Variants in PDGFD observed in about 807,000 individuals in gnomAD.
PDGFD encodes platelet-derived growth factor D.
PDGFD carries 30 observed loss-of-function variants against 44.7 expected under a neutral mutation model. The ratio of observed to expected loss-of-function variants is 0.67; its 90% confidence interval spans 0.50 to 0.91. PDGFD has a LOEUF of 0.91. PDGFD is among the 40% of genes least tolerant of loss of function. The pLI is 0.00. For missense variants in PDGFD, 445 were observed against 457.8 expected, an observed-to-expected ratio of 0.97 and a Z score of 0.25; for synonymous variants, 173 against 168.4, an observed-to-expected ratio of 1.03 and a Z score of -0.21.
chr11:104,040,276 A>G (rs1860325569), intron 1 of PDGFD, among the ~76,000 whole-genome samples: 1 of 152,100 alleles, frequency 6.6e-6, no homozygotes, highest in Admixed American at 6.5e-5. Flanking sequence ...GCCATATTCC[A>G]AATCCTAAAA....
At chr11:103,919,002 A>C (rs1858168202) in intron 6 of PDGFD, among the ~76,000 whole-genome samples, 2 of 152,154 alleles carry the variant, frequency 1.3e-5, no homozygotes, top group African/African-American at 4.8e-5. Flanking sequence ...TTATTTTCTG[A>C]GCTATGATTC....
intron 1 of PDGFD, among the ~76,000 whole-genome samples, chr11:104,101,407 A>T (rs1446479943): frequency 6.6e-6 from 1 of 152,114 alleles, no homozygotes. Flanking sequence ...GACATGAAGG[A>T]CCTCTTCAAG....
chr11:104,032,097 T>C (rs2512913), intron 1 of PDGFD, among the ~76,000 whole-genome samples: 48,050 of 151,896 alleles, frequency 0.32, 8,892 homozygotes, highest in Admixed American at 0.5. Context: ...CCATGGCACA[T>C]GTTTACCCAT....
chr11:104,153,285 G>A (rs1469770586), intron 1 of PDGFD, among the ~76,000 whole-genome samples: 2 of 152,126 alleles, frequency 1.3e-5, no homozygotes, highest in Non-Finnish European at 2.9e-5. Flanking sequence ...TCATTAAAAA[G>A]GACACTCACT....
intron 5 of PDGFD, among the ~76,000 whole-genome samples, chr11:103,936,151 A>G (rs1254665516): frequency 6.6e-6 from 1 of 152,228 alleles, no homozygotes; most frequent in Non-Finnish European, 1.5e-5. Flanking sequence ...AATATTAATA[A>G]GCAACACAAG....
intron 1 of PDGFD, among the ~76,000 whole-genome samples, chr11:104,152,685 T>A (rs990788290): frequency 6.6e-6 from 1 of 152,120 alleles, no homozygotes; most frequent in African/African-American, 2.4e-5. Flanking sequence ...TGGCTTTTTT[T>A]AAAAGACAAT....
chr11:103,948,490 T>A (rs917332616), intron 3 of PDGFD, among the ~76,000 whole-genome samples: 4 of 152,216 alleles, frequency 2.6e-5, no homozygotes, highest in Admixed American at 6.5e-5. Flanking sequence ...CCATGTTAAT[T>A]ACTACAGCAC....
chr11:103,912,576 G>A (rs531945008), intron 6 of PDGFD, among the ~76,000 whole-genome samples: 4 of 152,150 alleles, frequency 2.6e-5, no homozygotes, highest in African/African-American at 9.6e-5. Context: ...ATCAACTAAC[G>A]GGCAAAATAA....
chr11:103,959,635 C>G (rs1464086252), intron 3 of PDGFD, among the ~76,000 whole-genome samples: 1 of 152,176 alleles, frequency 6.6e-6, no homozygotes, highest in African/African-American at 2.4e-5. Context: ...AACTGAGTGC[C>G]AAGCACACAG....
chr11:104,090,636 A>G (rs1047473952), intron 1 of PDGFD, among the ~76,000 whole-genome samples: 1 of 152,088 alleles, frequency 6.6e-6, no homozygotes, highest in African/African-American at 2.4e-5. Context: ...CTCAAAAAAA[A>G]AAAAAAAATG....
At chr11:104,061,564 T>C (rs1286968822) in intron 1 of PDGFD, among the ~76,000 whole-genome samples, 1 of 152,204 alleles carries the variant, frequency 6.6e-6, no homozygotes, top group Non-Finnish European at 1.5e-5. Flanking sequence ...ATACAGTGTG[T>C]GTATGTTTGA....
chr11:103,909,086 C>T lies in PDGFD; in HGVS notation c.*608G>A, dbSNP rs1242006007. The T allele has an allele frequency of 6.6e-6, 1 of 152,262 alleles. No individual in the cohort carries two copies. The allele number at this position is 152,262 out of a possible 1,614,324, so 9.4% of individuals were successfully genotyped here. On this transcript the variant is annotated 3_prime_UTR_variant, in exon 7 of 7. Transcript: ENST00000393158. ...ATTATAGTCCACATAGGTAAGTATG[C>T]AGTGCTTCTCATGGAAAAAATGCTT...
chr11:104,116,635 A>G, intron 1 of PDGFD, among the ~76,000 whole-genome samples: 1 of 152,098 alleles, frequency 6.6e-6, no homozygotes, highest in East Asian at 1.9e-4. Context: ...AAAATCCTTA[A>G]CAAAATACTA....
intron 3 of PDGFD, among the ~76,000 whole-genome samples, chr11:103,989,608 T>C (rs1859421471): frequency 2.0e-5 from 3 of 152,272 alleles, no homozygotes; most frequent in South Asian, 2.1e-4. Context: ...AAAGGAAAAT[T>C]TGACAAAGGA....
At chr11:104,024,706 C>T (rs1034798719) in intron 1 of PDGFD, among the ~76,000 whole-genome samples, 1 of 152,136 alleles carries the variant, frequency 6.6e-6, no homozygotes, top group African/African-American at 2.4e-5. Flanking sequence ...GATGAAATCA[C>T]CTAAAGATGC....
chr11:103,930,026 T>C (rs1858376550), intron 5 of PDGFD, among the ~76,000 whole-genome samples: 1 of 152,220 alleles, frequency 6.6e-6, no homozygotes, highest in Non-Finnish European at 1.5e-5. Flanking sequence ...CCCGCTAATT[T>C]CAACTAACGT....
At chr11:104,153,671 C>T (rs1862271813) in intron 1 of PDGFD, among the ~76,000 whole-genome samples, 1 of 152,062 alleles carries the variant, frequency 6.6e-6, no homozygotes, top group South Asian at 2.1e-4. Context: ...GGATGAATAA[C>T]CCAATATGTT....
intron 3 of PDGFD, among the ~76,000 whole-genome samples, chr11:103,969,488 T>TG (rs1411727982): frequency 6.7e-6 from 1 of 148,726 alleles, no homozygotes; most frequent in Non-Finnish European, 1.5e-5. Flanking sequence ...TTTTTTTTTT[T>TG]TTTTTTTTTT....
intron 1 of PDGFD, among the ~76,000 whole-genome samples, chr11:104,099,611 G>A (rs1861339285): frequency 1.3e-5 from 2 of 149,046 alleles, no homozygotes; most frequent in South Asian, 2.1e-4. Flanking sequence ...CAGCCTGGGC[G>A]ACAGAGTGAA....
Sources: gnomAD v4.1 joint callset for allele counts (sites outside exome capture counted in the v4.1 genomes callset) on GRCh38, gnomAD v4.1.1 for gene constraint, MANE v1.5 for transcripts, NCBI Gene and HGNC (gene_info 2026-07-23, HGNC 2026-07-21) for gene names.